WDSUB1: variants seen among roughly 807,000 people sequenced by gnomAD.
WDSUB1 encodes the protein WD repeat, SAM and U-box domain-containing protein 1.
Under a neutral mutation model 53.9 loss-of-function variants are expected in WDSUB1, and 49 were observed. That is an observed-to-expected ratio of 0.91 (90% CI 0.72 to 1.15). The LOEUF is 1.15. WDSUB1 is among the 50% of genes most tolerant of loss of function. The probability of loss-of-function intolerance (pLI) is 0.00; values close to 1 mark genes in which losing one functional copy is unlikely to be tolerated. For synonymous variants in WDSUB1, 194 were observed against 200.6 expected, an observed-to-expected ratio of 0.97 and a Z score of 0.28; for missense variants, 514 against 562.0, an observed-to-expected ratio of 0.91 and a Z score of 0.86.
At chr2:159,254,901 C>G (rs1262842102) in intron 9 of WDSUB1, among the ~76,000 whole-genome samples, 1 of 152,056 alleles carries the variant, frequency 6.6e-6, no homozygotes, top group Non-Finnish European at 1.5e-5. Context: ...GAGGCCAAGG[C>G]TGGAGGACTG....
chr2:159,241,075 A>G (rs764037790), intron 10 of WDSUB1, among the ~76,000 whole-genome samples: 5 of 152,238 alleles, frequency 3.3e-5, no homozygotes, highest in Non-Finnish European at 7.3e-5. Context: ...GCATACCTGA[A>G]GTCAGAGTAT....
intron 6 of WDSUB1, 33 bp from the exon 7 acceptor site, chr2:159,258,018 T>A (rs748740535): frequency 1.3e-6 from 2 of 1,598,634 alleles, no homozygotes; most frequent in South Asian, 2.2e-5. Flanking sequence ...TTAAATTTAC[T>A]CAAGTAAGAG....
intron 5 of WDSUB1, among the ~76,000 whole-genome samples, chr2:159,268,409 A>G (rs2061385687): frequency 6.6e-6 from 1 of 152,248 alleles, no homozygotes; most frequent in Non-Finnish European, 1.5e-5. Context: ...GACAATTACT[A>G]TAAATACTTT....
At chr2:159,252,058 C>A (rs2060962054) in intron 9 of WDSUB1, among the ~76,000 whole-genome samples, 1 of 152,338 alleles carries the variant, frequency 6.6e-6, no homozygotes, top group South Asian at 2.1e-4. Context: ...GTCACTGACT[C>A]ACCTCTCCCC....
chr2:159,271,692 A>G lies in WDSUB1; in HGVS notation c.770+10T>C. The G allele has an allele frequency of 6.2e-7, 1 of 1,612,222 alleles. No individual in the cohort carries two copies. The highest frequency in any genetic ancestry group is 1.1e-5 in the South Asian group (1 of 90,824). On this transcript the variant is annotated intron_variant, in intron 5 of 10. Coordinates refer to ENST00000359774, the MANE Select transcript of WDSUB1 (RefSeq NM_001128212.3). ...AAAATGGTTTAGGAAAATTAAACCA[A>G]CTAGCTTACCCTGAGACTAGCATCT...
chr2:159,247,980 A>G (rs2024287), intron 10 of WDSUB1, among the ~76,000 whole-genome samples: 48,436 of 123,274 alleles, frequency 0.39, 12,128 homozygotes, highest in Non-Finnish European at 0.56. Flanking sequence ...TGTATAATAA[A>G]GTATGTAGGT....
rs147091578 is a variant in WDSUB1, at chr2:159,282,762, C to T, written c.308G>A (p.Cys103Tyr). 2.2e-5 allele frequency: 35 copies of T among 1,614,202 alleles called. No individual in the cohort carries two copies. In the East Asian group the frequency reaches 7.4e-4, roughly 34 times the overall value. Residue 103 changes from cysteine (C) to tyrosine (Y), a missense_variant, in exon 2 of 11, where the codon TGC becomes TAC. Transcript: ENST00000359774. ...EQPSGSPVRV[C>Y]QFSPDSTCLA... The stretch of plus-strand genomic sequence containing the variant: ...ACACGTGGAGTCTGGGGAAAACTGG[C>T]AAACCCTCACAGGGCTGCCACTAGG...
intron 10 of WDSUB1, among the ~76,000 whole-genome samples, chr2:159,242,614 C>T (rs2151047695): frequency 6.8e-6 from 1 of 147,722 alleles, no homozygotes; most frequent in South Asian, 2.1e-4. Flanking sequence ...AAGATTGTGC[C>T]ATTGCACTCC....
intron 2 of WDSUB1, among the ~76,000 whole-genome samples, 172 bp from the exon 3 acceptor site, chr2:159,280,117 G>A (rs1241145646): frequency 6.6e-6 from 1 of 152,156 alleles, no homozygotes; most frequent in Non-Finnish European, 1.5e-5. Context: ...GCTATGAACT[G>A]AGATATACTG....
In WDSUB1 at chr2:159,272,981, C is replaced by T. The variant is rs1322825642; in HGVS notation, c.677-1186G>A. Among the ~76,000 whole-genome samples, 7 of 152,122 alleles carry T rather than the reference C, an allele frequency of 4.6e-5. No homozygotes were observed. The South Asian group carries it at 8.3e-4, about 18-fold the overall frequency. On this transcript the variant is annotated intron_variant, in intron 4 of 10. Coordinates refer to ENST00000359774, the MANE Select transcript of WDSUB1 (RefSeq NM_001128212.3). ...TGGGAAAGAAGGAAAAGGAAATACA[C>T]GAGGGAAATTTATAACTACATCAGA... is the stretch of plus-strand genomic sequence containing the variant.
chr2:159,258,572 T>C (rs2061119295), intron 6 of WDSUB1, among the ~76,000 whole-genome samples: 1 of 152,074 alleles, frequency 6.6e-6, no homozygotes, highest in Admixed American at 6.6e-5. Flanking sequence ...GGCAGGAGAA[T>C]TGCTTGAACC....
chr2:159,276,792 C>G (rs1338575069), intron 3 of WDSUB1, among the ~76,000 whole-genome samples: 2 of 152,100 alleles, frequency 1.3e-5, no homozygotes, highest in African/African-American at 2.4e-5. Flanking sequence ...AGGCTGACAC[C>G]AGGAGTTTGA....
intron 5 of WDSUB1, among the ~76,000 whole-genome samples, chr2:159,262,749 A>G (rs1290892737): frequency 6.6e-6 from 1 of 152,218 alleles, no homozygotes; most frequent in African/African-American, 2.4e-5. Flanking sequence ...TCAGGAGAAT[A>G]AAAGCCAACT....
chr2:159,248,704 C>T (rs1439023671), intron 9 of WDSUB1, among the ~76,000 whole-genome samples, 192 bp from the exon 10 acceptor site: 1 of 152,198 alleles, frequency 6.6e-6, no homozygotes, highest in Non-Finnish European at 1.5e-5. Flanking sequence ...CTCCTGGGCT[C>T]AAGTGATCCT....
intron 4 of WDSUB1, among the ~76,000 whole-genome samples, chr2:159,273,969 T>C (rs908642917): frequency 1.3e-5 from 2 of 152,184 alleles, no homozygotes; most frequent in South Asian, 2.1e-4. Flanking sequence ...CTGAGGCTCC[T>C]GAATCAATCA....
At chr2:159,271,886 A>G (rs2061450445) in intron 4 of WDSUB1, 91 bp from the exon 5 acceptor site, 3 of 1,083,316 alleles carry the variant, frequency 2.8e-6, no homozygotes, top group Non-Finnish European at 4.0e-6. Context: ...TATTTAACAA[A>G]TAATCTTTGA....
Position 159,286,640 on chromosome 2 carries a change from C to T in WDSUB1, c.-82G>A, listed in dbSNP as rs376474084. The T allele has an allele frequency of 7.2e-5, 11 of 152,450 alleles. No homozygotes were observed. In the East Asian group the frequency reaches 1.2e-3, roughly 16 times the overall value. The allele number at this position is 152,450 out of a possible 1,614,324, so 9.4% of individuals were successfully genotyped here. A position where few individuals can be genotyped will look rare whatever the true frequency, so the allele number is the denominator to read the frequency against. On this transcript the variant is annotated 5_prime_UTR_variant, in exon 1 of 11. Coordinates refer to ENST00000359774, the MANE Select transcript of WDSUB1 (RefSeq NM_001128212.3). The stretch of plus-strand genomic sequence containing the variant: ...CAAGGTGCCCACGGGCGGTGCGGGT[C>T]ACGTGCCGCGCAGGTGAGGCTGGCG...
intron 5 of WDSUB1, among the ~76,000 whole-genome samples, chr2:159,265,464 A>G (rs1348867866): frequency 2.6e-5 from 4 of 151,894 alleles, no homozygotes; most frequent in Admixed American, 2.6e-4. Context: ...AGGTGTGGTG[A>G]CTCATGCCTG....
intron 10 of WDSUB1, among the ~76,000 whole-genome samples, chr2:159,248,014 A>ATGAT (rs1252157835): frequency 6.8e-6 from 1 of 146,622 alleles, no homozygotes; most frequent in Non-Finnish European, 1.5e-5. Flanking sequence ...GAAATATGGA[A>ATGAT]TGATACAACT....
Sources: allele counts gnomAD v4.1 joint callset (sites outside exome capture counted in the v4.1 genomes callset), GRCh38; gene constraint gnomAD v4.1.1; transcripts MANE v1.5; gene names NCBI Gene and HGNC (gene_info 2026-07-23, HGNC 2026-07-21).